The following SLC25A30 variants were observed in gnomAD, a reference collection of about 807,000 sequenced individuals.
SLC25A30 encodes the protein solute carrier family 25 member 30.
Under a neutral mutation model 42.7 loss-of-function variants are expected in SLC25A30, and 29 were observed. The ratio of observed to expected loss-of-function variants is 0.68; its 90% CI spans 0.51 to 0.93. The LOEUF is 0.93. SLC25A30 is among the 40% of genes least tolerant of loss of function. The probability of loss-of-function intolerance (pLI) is 0.00; values close to 1 mark genes in which losing one functional copy is unlikely to be tolerated. For missense variants in SLC25A30, 300 were observed against 359.7 expected (o/e 0.83, Z 1.34); for synonymous variants, 124 against 131.0 (o/e 0.95, Z 0.37).
At chr13:45,423,253 A>G (rs1329578574), upstream of SLC25A30, among the ~76,000 whole-genome samples, 1 of 151,874 alleles carries the variant, frequency 6.6e-6, no homozygotes, top group African/African-American at 2.4e-5. Context: ...CCACAGTTGT[A>G]AGTCCTGCTA....
intron 1 of SLC25A30, among the ~76,000 whole-genome samples, chr13:45,417,082 C>T (rs778392860): frequency 6.6e-6 from 1 of 152,254 alleles, no homozygotes. Context: ...AGCATGATCT[C>T]GGCTCACTGC....
At chr13:45,421,622 T>C (rs2137717022), upstream of SLC25A30, among the ~76,000 whole-genome samples, 1 of 152,318 alleles carries the variant, frequency 6.6e-6, no homozygotes, top group Middle Eastern at 3.4e-3. Context: ...TTATTAGCTC[T>C]CTGGCCTTGA....
chr13:45,430,798 C>T, the SLC25A30 span, among the ~76,000 whole-genome samples: 7 of 152,172 alleles, frequency 4.6e-5, no homozygotes, highest in African/African-American at 1.7e-4. Flanking sequence ...CACAGTGAGA[C>T]TATGAATGTG....
intron 5 of SLC25A30, 80 bp downstream of exon 5, chr13:45,404,247 T>C (rs1882282324): frequency 3.1e-6 from 3 of 979,804 alleles, no homozygotes; most frequent in Middle Eastern, 2.1e-4. Flanking sequence ...GATGTTACAT[T>C]CACAGATTCC....
intron 5 of SLC25A30, 27 bp from the exon 6 acceptor site, chr13:45,402,397 C>G: frequency 6.4e-7 from 1 of 1,573,558 alleles, no homozygotes; most frequent in Admixed American, 1.7e-5. Context: ...AGACCAACAT[C>G]AGAAAGAAAC....
chr13:45,415,359 T>TA (rs1313545772), intron 1 of SLC25A30, among the ~76,000 whole-genome samples: 11 of 152,114 alleles, frequency 7.2e-5, no homozygotes, highest in African/African-American at 1.9e-4. Context: ...CAAGGGCTGT[T>TA]AAAAAAATAT....
At chr13:45,423,998 T>C in the SLC25A30 span, among the ~76,000 whole-genome samples, 1 of 83,066 alleles carries the variant, frequency 1.2e-5, no homozygotes. Flanking sequence ...TATAAATATA[T>C]ATAAAAATAT....
rs902859804 is a variant in SLC25A30 at position 45,404,053 on chromosome 13, G to A, written c.393+274C>T. Reference sequence around the variant, plus strand: ...ACCAATAAAACAAGGAACATTTTCCGTGAAAAACGAAAATGAAATGCAGTC... The same window carrying A: ...ACCAATAAAACAAGGAACATTTTCCATGAAAAACGAAAATGAAATGCAGTC... On this transcript the variant is annotated intron_variant, in intron 5 of 9. Coordinates refer to ENST00000519676, the MANE Select transcript of SLC25A30 (RefSeq NM_001010875.4). Among the ~76,000 whole-genome samples the A allele has an allele frequency of 2.6e-5, 4 of 152,034 alleles. No individual in the cohort carries two copies. In the South Asian group the frequency reaches 6.2e-4, roughly 24 times the overall value.
Position 45,402,481 on chromosome 13 carries a change from G to A in SLC25A30, c.394-111C>T, listed in dbSNP as rs963433646. 14 of 871,262 alleles carry A rather than the reference G, an allele frequency of 1.6e-5. No homozygotes were observed. The African/African-American group carries it at 1.7e-4, about 10-fold the overall frequency. The allele number at this position is 871,262 out of a possible 1,614,324, so 54.0% of individuals were successfully genotyped here. ...TCAGTCAGTTGCTTAATAACCATTA[G>A]CAAGGAAAAAACTGTCATATAAATA... On this transcript the variant is annotated intron_variant, in intron 5 of 9. Transcript: ENST00000519676.
At chr13:45,396,421 A>G in intron 9 of SLC25A30, 1 of 879,026 alleles carries the variant, frequency 1.1e-6, no homozygotes, top group Non-Finnish European at 1.4e-6. Context: ...GCTGATGAAG[A>G]GCAACAAGAG....
At chr13:45,424,103 A>C in the SLC25A30 span, among the ~76,000 whole-genome samples, 4 of 85,838 alleles carry the variant, frequency 4.7e-5, no homozygotes, top group South Asian at 1.5e-3. Flanking sequence ...ATAAATATAT[A>C]AAAATATATA....
the SLC25A30 span, among the ~76,000 whole-genome samples, chr13:45,432,756 G>T: frequency 1.3e-5 from 2 of 151,128 alleles, no homozygotes; most frequent in Non-Finnish European, 2.9e-5. Flanking sequence ...AAAAATCAAG[G>T]CCAGGTGTGG....
At chr13:45,398,202 A>G (rs1203793332) in intron 8 of SLC25A30, 2 of 200,100 alleles carry the variant, frequency 1.0e-5, no homozygotes, top group Non-Finnish European at 1.8e-5. Flanking sequence ...AAACTAACGC[A>G]GAAACAGAAG....
chr13:45,419,608 G>A (rs79339173), upstream of SLC25A30, among the ~76,000 whole-genome samples: 112 of 151,016 alleles, frequency 7.4e-4, 1 homozygote, highest in South Asian at 0.018. Context: ...TGTGAGCCAC[G>A]GCACCCGGCT....
Position 45,408,963 on chromosome 13 carries a change from A to G in SLC25A30, c.176T>C (p.Ile59Thr), listed in dbSNP as rs370511501. ...YRGMLHALVRIGREEGLKALY... is the reference protein window; with the variant it reads ...YRGMLHALVRTGREEGLKALY... The stretch of plus-strand genomic sequence containing the variant: ...TGCTTTCAGCCCTTCTTCTCTGCCT[A>G]TCCTCACTAATGCGTGCAACATTCC... The change falls in exon 3 of 10, where the codon ATA becomes ACA. Residue 59 changes from isoleucine to threonine, a missense_variant. Coordinates refer to ENST00000519676, the MANE Select transcript of SLC25A30 (RefSeq NM_001010875.4). 15 of 1,612,744 alleles carry G rather than the reference A, an allele frequency of 9.3e-6. No homozygotes were observed. The highest frequency in any genetic ancestry group is 1.3e-5 in the Non-Finnish European group (15 of 1,179,584).
In SLC25A30 at chr13:45,395,852, C is replaced by G. The variant is rs1881269123; in HGVS notation, c.*122G>C. 2 of 1,597,128 alleles carry G rather than the reference C, an allele frequency of 1.3e-6. No individual in the cohort carries two copies. Among genetic ancestry groups the G allele is most frequent in the Non-Finnish European group, 1.7e-6 (2 of 1,172,100 alleles). ...CAATCTCAACTAACCCAGTCTTCAT[C>G]TGTTGCTCACATCCCAGAATCTGTG... On this transcript the variant is annotated 3_prime_UTR_variant, in exon 10 of 10. Transcript: ENST00000519676.
the SLC25A30 span, among the ~76,000 whole-genome samples, chr13:45,433,032 C>CAAAAA: frequency 4.5e-3 from 588 of 129,836 alleles, 6 homozygotes; most frequent in Non-Finnish European, 7.6e-3. Flanking sequence ...GACTCTTTCT[C>CAAAAA]AAAAAAAAAA....
chr13:45,425,453 A>T, the SLC25A30 span, among the ~76,000 whole-genome samples: 3 of 108,540 alleles, frequency 2.8e-5, no homozygotes, highest in African/African-American at 1.1e-4. Context: ...TAAATATATA[A>T]GTGTATATAT....
At chr13:45,410,506 A>G (rs1882912455) in intron 2 of SLC25A30, among the ~76,000 whole-genome samples, 1 of 152,136 alleles carries the variant, frequency 6.6e-6, no homozygotes, top group Non-Finnish European at 1.5e-5. Flanking sequence ...TCTCTAATAA[A>G]AATATAAGAA....
Sources: gnomAD v4.1 joint callset for allele counts (sites outside exome capture counted in the v4.1 genomes callset) on GRCh38, gnomAD v4.1.1 for gene constraint, MANE v1.5 for transcripts, NCBI Gene and HGNC (gene_info 2026-07-23, HGNC 2026-07-21) for gene names.